The following TMEM184B variants were observed in gnomAD, a reference collection of about 807,000 sequenced individuals.
TMEM184B encodes putative MAPK-activating protein FM08.
A neutral mutation model predicts 41.8 loss-of-function variants in TMEM184B; 17 were observed. That is an observed-to-expected ratio of 0.41 (90% CI 0.28 to 0.61). The LOEUF (loss-of-function observed/expected upper bound fraction) is 0.61, where lower values mean the gene tolerates loss of function less well. Ranked by LOEUF, TMEM184B falls within the 20% of genes least tolerant of loss-of-function variation. The pLI, the probability that TMEM184B is intolerant of heterozygous loss-of-function variation, is 0.34. For missense variants in TMEM184B, 393 were observed against 557.8 expected (o/e 0.70, Z 2.98); for synonymous variants, 240 against 229.5 (o/e 1.05, Z -0.41).
chr22:38,226,658 G>A lies in TMEM184B; in HGVS notation c.617+121C>T. Reference sequence around the variant, plus strand: ...GGCTCAGACTTCAGGGGGGTTGTGAGCACCAGACACCCAGGAAGGTCATGG... The same window carrying A: ...GGCTCAGACTTCAGGGGGGTTGTGAACACCAGACACCCAGGAAGGTCATGG... On this transcript the variant is annotated intron_variant, in intron 6 of 8. Transcript: ENST00000361906. The surrounding 1 kb of genome is among the most constrained non-coding windows in gnomAD (Gnocchi z 4.6). The A allele has an allele frequency of 3.0e-6, 3 of 991,352 alleles. No individual in the cohort carries two copies. In the South Asian group the frequency reaches 4.6e-5, roughly 15 times the overall value. The allele number at this position is 991,352 out of a possible 1,614,324, so 61.4% of individuals were successfully genotyped here.
chr22:38,241,381 A>G (rs1290607980), intron 3 of TMEM184B, among the ~76,000 whole-genome samples: 2 of 152,186 alleles, frequency 1.3e-5, no homozygotes, highest in Non-Finnish European at 2.9e-5. Context: ...AGCAAAAACA[A>G]AAAGTTACAT....
chr22:38,233,066 C>T (rs1311219234), intron 3 of TMEM184B, among the ~76,000 whole-genome samples: 1 of 152,242 alleles, frequency 6.6e-6, no homozygotes, highest in Non-Finnish European at 1.5e-5. Context: ...ACGGGGCACA[C>T]CACAACAGTT....
At chr22:38,236,586 C>CA (rs1326849827) in intron 3 of TMEM184B, among the ~76,000 whole-genome samples, 1 of 152,038 alleles carries the variant, frequency 6.6e-6, no homozygotes, top group Non-Finnish European at 1.5e-5. Flanking sequence ...CAGGCTCAAT[C>CA]AATCTTCCCA....
At position 38,224,646 on chromosome 22, in the gene TMEM184B, C is replaced by T. The variant is rs1602363670; in HGVS notation, c.982+139G>A. 1.1e-5 allele frequency: 9 copies of T among 845,092 alleles called. No homozygotes were observed. In the East Asian group the frequency reaches 2.7e-4, roughly 26 times the overall value. 52.3% of individuals were successfully genotyped at this position (845,092 alleles called of 1,614,324 possible). A position where few individuals can be genotyped will look rare whatever the true frequency, so the allele number is the denominator to read the frequency against. On this transcript the variant is annotated intron_variant, in intron 8 of 8. Transcript: ENST00000361906. ...ACCTGCTCTTCCCCGACCTCTGTGG[C>T]CCCATTCCTGCATATAGAGTGGGGA...
downstream of TMEM184B, among the ~76,000 whole-genome samples, chr22:38,218,780 C>T (rs564250187): frequency 6.6e-6 from 1 of 152,302 alleles, no homozygotes; most frequent in South Asian, 2.1e-4. Context: ...GGAATTCCCC[C>T]ACCCACACCG....
intron 1 of TMEM184B, among the ~76,000 whole-genome samples, chr22:38,263,865 T>C (rs1378871944): frequency 6.6e-6 from 1 of 152,220 alleles, no homozygotes; most frequent in Non-Finnish European, 1.5e-5. Context: ...AGTGCGGTGA[T>C]GCAATCTCAG....
chr22:38,250,369 C>T (rs2092136038), intron 1 of TMEM184B, among the ~76,000 whole-genome samples: 1 of 152,240 alleles, frequency 6.6e-6, no homozygotes, highest in African/African-American at 2.4e-5. Flanking sequence ...GATCTCTTAA[C>T]ACACCAATTG....
intron 1 of TMEM184B, among the ~76,000 whole-genome samples, chr22:38,269,714 C>G (rs950904239): frequency 5.9e-5 from 9 of 152,086 alleles, no homozygotes; most frequent in Non-Finnish European, 1.0e-4. Context: ...AAAAAAAGTT[C>G]CAGCTCAGAG....
At chr22:38,240,146 C>T (rs1030074724) in intron 3 of TMEM184B, among the ~76,000 whole-genome samples, 10 of 151,868 alleles carry the variant, frequency 6.6e-5, no homozygotes, top group African/African-American at 2.2e-4. Flanking sequence ...ATTTGAGGAG[C>T]GCTTCTAACA....
chr22:38,266,245 C>T (rs374377579), intron 1 of TMEM184B, among the ~76,000 whole-genome samples: 1 of 152,252 alleles, frequency 6.6e-6, no homozygotes, highest in African/African-American at 2.4e-5. Context: ...GGAAAAGAAG[C>T]AACAGGCACA....
intron 2 of TMEM184B, chr22:38,246,867 G>A (rs1271404382): frequency 1.5e-6 from 2 of 1,302,900 alleles, no homozygotes; most frequent in Non-Finnish European, 2.0e-6. Context: ...CATCACACTT[G>A]GCCCAGCCGA....
At position 38,234,776 on chromosome 22, in the gene TMEM184B, TTAAG is replaced by T. The variant is rs367636314; in HGVS notation, c.359-3446_359-3443del. Among the ~76,000 whole-genome samples the T allele has an allele frequency of 5.1e-4, 78 of 152,154 alleles. 1 individual carries two copies. In the East Asian group the frequency reaches 0.01, roughly 20 times the overall value. On this transcript the variant is annotated intron_variant, in intron 3 of 8. Transcript: ENST00000361906. ...TGATCCCTCCGGCACAAAAGCAACA[TTAAG>T]TAAGGTAAAGAGCCATGGGCCCTGG... is the stretch of plus-strand genomic sequence containing the variant.
At chr22:38,270,174 C>T (rs2092501295) in intron 1 of TMEM184B, among the ~76,000 whole-genome samples, 1 of 152,196 alleles carries the variant, frequency 6.6e-6, no homozygotes, top group Non-Finnish European at 1.5e-5. Context: ...TTCCCTCTAC[C>T]TGGAACGCCC....
At chr22:38,232,801 G>C (rs749850595) in intron 3 of TMEM184B, among the ~76,000 whole-genome samples, 16 of 152,198 alleles carry the variant, frequency 1.1e-4, no homozygotes, top group Non-Finnish European at 1.9e-4. Flanking sequence ...CTTCTCCCCA[G>C]AGCAGGTTCT....
At chr22:38,271,513 C>T (rs1340381390) in intron 1 of TMEM184B, among the ~76,000 whole-genome samples, 1 of 152,218 alleles carries the variant, frequency 6.6e-6, no homozygotes, top group Non-Finnish European at 1.5e-5. Flanking sequence ...CTCAGATGAA[C>T]GTCAGTCATC....
chr22:38,216,691 T>TG (rs1264500379), downstream of TMEM184B, among the ~76,000 whole-genome samples: 2 of 152,048 alleles, frequency 1.3e-5, no homozygotes, highest in African/African-American at 4.8e-5. Flanking sequence ...TGCTTCCTCT[T>TG]GGTTGCTTAG....
At chr22:38,219,124 G>A (rs1184475615), downstream of TMEM184B, among the ~76,000 whole-genome samples, 2 of 152,150 alleles carry the variant, frequency 1.3e-5, no homozygotes, top group Admixed American at 1.3e-4. Context: ...GTCCAAGGGG[G>A]GCCTGGGCCT....
intron 3 of TMEM184B, among the ~76,000 whole-genome samples, chr22:38,243,808 G>C (rs906800095): frequency 2.0e-5 from 3 of 152,196 alleles, no homozygotes; most frequent in Non-Finnish European, 4.4e-5. Context: ...GAGGAAGTAG[G>C]CATCTCCCAT....
At chr22:38,260,903 C>T (rs1321097196) in intron 1 of TMEM184B, among the ~76,000 whole-genome samples, 1 of 152,236 alleles carries the variant, frequency 6.6e-6, no homozygotes, top group Non-Finnish European at 1.5e-5. Flanking sequence ...ACTCAGGCGG[C>T]TGCCACCCAC....
Sources: gnomAD v4.1 joint callset for allele counts (sites outside exome capture counted in the v4.1 genomes callset) on GRCh38, gnomAD v4.1.1 for gene constraint, Gnocchi (gnomAD v3.1) non-coding constraint, MANE v1.5 for transcripts, NCBI Gene and HGNC (gene_info 2026-07-23, HGNC 2026-07-21) for gene names.